The following C8A variants were observed in gnomAD, a reference collection of about 807,000 sequenced individuals.
C8A encodes complement component C8 alpha chain.
Under a neutral mutation model 65.3 loss-of-function variants are expected in C8A, and 67 were observed. That is an observed-to-expected ratio of 1.03 (90% CI 0.84 to 1.26). The LOEUF (loss-of-function observed/expected upper bound fraction) is 1.26. C8A is among the 50% of genes most tolerant of loss of function. The pLI, the probability that C8A is intolerant of heterozygous loss-of-function variation, is 0.00. For synonymous variants in C8A, 290 were observed against 259.4 expected (o/e 1.12, Z -1.13); for missense variants, 781 against 723.9 (o/e 1.08, Z -0.90).
At chr1:56,913,178 C>T (rs61766990) in intron 10 of C8A, among the ~76,000 whole-genome samples, 6,117 of 152,188 alleles carry the variant, frequency 0.04, 185 homozygotes, top group Non-Finnish European at 0.063. Flanking sequence ...TTATAAGAAC[C>T]ACCAGTCACT....
At chr1:56,878,968 C>T (rs1181580358) in intron 4 of C8A, among the ~76,000 whole-genome samples, 1 of 152,058 alleles carries the variant, frequency 6.6e-6, no homozygotes, top group Non-Finnish European at 1.5e-5. Context: ...TTAAGTTTTC[C>T]CCCAAATTTT....
rs1286372644 is a variant in C8A, at chr1:56,866,239, A to G, written c.78-1370A>G. Among the ~76,000 whole-genome samples the G allele has an allele frequency of 2.0e-5, 3 of 152,254 alleles. No individual in the cohort carries two copies. The East Asian group carries it at 5.8e-4, about 29-fold the overall frequency. On this transcript the variant is annotated intron_variant, in intron 1 of 10. Coordinates refer to ENST00000361249, the MANE Select transcript of C8A (RefSeq NM_000562.3). ...AGAAATAAGATTCTAGCTATTTTCT[A>G]CTAAACCAGACATTAAAGGGATTTG... is the stretch of plus-strand genomic sequence containing the variant.
intron 9 of C8A, among the ~76,000 whole-genome samples, chr1:56,910,034 A>G (rs910076419): frequency 6.6e-6 from 1 of 152,158 alleles, no homozygotes; most frequent in Non-Finnish European, 1.5e-5. Flanking sequence ...CTGTGTTTTA[A>G]AAAGAGAATG....
At chr1:56,888,131 A>T (rs913650033) in intron 7 of C8A, among the ~76,000 whole-genome samples, 9 of 152,048 alleles carry the variant, frequency 5.9e-5, no homozygotes, top group Non-Finnish European at 1.3e-4. Context: ...TAAAGTATAT[A>T]AAAAAAATTT....
intron 4 of C8A, 93 bp downstream of exon 4, chr1:56,876,302 A>G: frequency 6.7e-7 from 1 of 1,498,880 alleles, no homozygotes; most frequent in Non-Finnish European, 9.3e-7. Flanking sequence ...GCCATTTTGG[A>G]GGGTTCCTCT....
chr1:56,856,611 C>T (rs1311548365), intron 1 of C8A, among the ~76,000 whole-genome samples: 10 of 152,040 alleles, frequency 6.6e-5, no homozygotes, highest in Admixed American at 6.6e-4. Context: ...TTCACATGAA[C>T]CCTAACATTG....
rs1161779112 is a variant in C8A at position 56,867,637 on chromosome 1, G to A, written c.106G>A (p.Ala36Thr). The change falls in exon 2 of 11, where the codon GCA becomes ACA. Residue 36 changes from alanine to threonine, a missense_variant. Coordinates refer to ENST00000361249, the MANE Select transcript of C8A (RefSeq NM_000562.3). Reference protein sequence around the residue: ...QRVRRAATPAAVTCQLSNWSE... With the variant: ...QRVRRAATPATVTCQLSNWSE... Reference sequence around the variant, plus strand: ...AGTAAGACGGGCAGCTACACCCGCAGCAGTTACCTGCCAGCTGAGCAACTG... The same window carrying A: ...AGTAAGACGGGCAGCTACACCCGCAACAGTTACCTGCCAGCTGAGCAACTG... 6.2e-7 allele frequency: 1 copy of A among 1,613,846 alleles called. No homozygotes were observed. The highest frequency in any genetic ancestry group is 1.7e-5 in the Admixed American group (1 of 59,944).
intron 7 of C8A, among the ~76,000 whole-genome samples, chr1:56,892,036 C>T (rs979904373): frequency 6.6e-6 from 1 of 152,084 alleles, no homozygotes; most frequent in African/African-American, 2.4e-5. Flanking sequence ...CTGCATTCTC[C>T]TTGCTTCTTC....
At chr1:56,901,974 TA>T (rs1178680703) in intron 7 of C8A, among the ~76,000 whole-genome samples, 1 of 152,178 alleles carries the variant, frequency 6.6e-6, no homozygotes, top group Non-Finnish European at 1.5e-5. Flanking sequence ...TCTAACACAG[TA>T]AAACGTCATT....
chr1:56,866,814 A>AG (rs1258391205), intron 1 of C8A, among the ~76,000 whole-genome samples: 4 of 152,190 alleles, frequency 2.6e-5, no homozygotes, highest in Non-Finnish European at 5.9e-5. Flanking sequence ...GGGGAAGTAT[A>AG]GGGTAAGAGA....
At chr1:56,861,489 G>T (rs1018843570) in intron 1 of C8A, among the ~76,000 whole-genome samples, 2 of 152,100 alleles carry the variant, frequency 1.3e-5, no homozygotes, top group African/African-American at 4.8e-5. Flanking sequence ...GCAGCACTAA[G>T]CCTTTCCTGA....
rs1644566280 is a variant in C8A, at chr1:56,917,844, C to T, written c.*128C>T. ...ACTTTTTTCTTTGTTCTGCCAGCTTCCAGGCCTAAGACTAGGTTTTGCTGT... is the reference window on the plus strand; with the variant it reads ...ACTTTTTTCTTTGTTCTGCCAGCTTTCAGGCCTAAGACTAGGTTTTGCTGT... On this transcript the variant is annotated 3_prime_UTR_variant, in exon 11 of 11. Transcript: ENST00000361249. 23 of 1,179,638 alleles carry T rather than the reference C, an allele frequency of 1.9e-5. No individual in the cohort carries two copies. The highest frequency in any genetic ancestry group is 4.1e-5 in the Admixed American group (2 of 48,508). 73.1% of individuals were successfully genotyped at this position (1,179,638 alleles called of 1,614,324 possible). A position where few individuals can be genotyped will look rare whatever the true frequency, so the allele number is the denominator to read the frequency against.
intron 7 of C8A, among the ~76,000 whole-genome samples, chr1:56,894,736 G>A (rs1644375272): frequency 6.6e-6 from 1 of 152,042 alleles, no homozygotes; most frequent in South Asian, 2.1e-4. Flanking sequence ...AAACATTTAT[G>A]AAGTACACAT....
intron 10 of C8A, 50 bp downstream of exon 10, chr1:56,912,675 G>A (rs757554878): frequency 1.3e-6 from 2 of 1,566,710 alleles, no homozygotes; most frequent in East Asian, 4.5e-5. Flanking sequence ...AGCTCAAAGG[G>A]GCCAGTGCAA....
chr1:56,912,333 G>C, intron 9 of C8A, 70 bp from the exon 10 acceptor site: 1 of 1,453,072 alleles, frequency 6.9e-7, no homozygotes, highest in Non-Finnish European at 9.6e-7. Context: ...AAGCTTGGTG[G>C]CCGGTTCTTG....
chr1:56,862,065 C>G (rs1246720610), intron 1 of C8A, among the ~76,000 whole-genome samples: 1 of 152,148 alleles, frequency 6.6e-6, no homozygotes, highest in Non-Finnish European at 1.5e-5. Context: ...ACAGCCCTAT[C>G]CGAGTACATT....
chr1:56,889,942 C>G (rs1644331416), intron 7 of C8A, among the ~76,000 whole-genome samples: 4 of 152,178 alleles, frequency 2.6e-5, no homozygotes, highest in Admixed American at 2.6e-4. Context: ...TGACAGCTTT[C>G]TACCTTCCGC....
Position 56,881,652 on chromosome 1 carries a change from G to A in C8A, c.654+18G>A. ...ACTTTGAAGTAAGTCTGAACAGAGGGGCTCTGAGGCCACTGTGGTGTAGGT... is the reference window on the plus strand; with the variant it reads ...ACTTTGAAGTAAGTCTGAACAGAGGAGCTCTGAGGCCACTGTGGTGTAGGT... On this transcript the variant is annotated intron_variant, in intron 5 of 10. Transcript: ENST00000361249. The A allele has an allele frequency of 6.2e-7, 1 of 1,609,332 alleles. No homozygotes were observed. Among genetic ancestry groups the A allele is most frequent in the South Asian group, 1.1e-5 (1 of 90,936 alleles).
At chr1:56,871,417 G>A (rs1295732224) in intron 2 of C8A, among the ~76,000 whole-genome samples, 1 of 152,218 alleles carries the variant, frequency 6.6e-6, no homozygotes, top group African/African-American at 2.4e-5. Flanking sequence ...TAGTCCAACA[G>A]CTGGATACAA....
Sources: allele counts gnomAD v4.1 joint callset (sites outside exome capture counted in the v4.1 genomes callset), GRCh38; gene constraint gnomAD v4.1.1; transcripts MANE v1.5; gene names NCBI Gene and HGNC (gene_info 2026-07-23, HGNC 2026-07-21).